FAM163A: variants seen among roughly 807,000 people sequenced by gnomAD.
FAM163A encodes the protein family with sequence similarity 163 member A.
In FAM163A, 7 loss-of-function variants were observed where a neutral mutation model predicts 12.0. The observed-to-expected ratio is 0.58, with a 90% CI of 0.33 to 1.10. The LOEUF (loss-of-function observed/expected upper bound fraction) is 1.10. Among genes scored for constraint, FAM163A ranks in the 50% least tolerant of loss-of-function variants. The probability of loss-of-function intolerance (pLI) is 0.03; values close to 1 mark genes in which losing one functional copy is unlikely to be tolerated. For missense variants in FAM163A, 202 were observed against 218.6 expected, an observed-to-expected ratio of 0.92 and a Z score of 0.48; for synonymous variants, 101 against 91.0, an observed-to-expected ratio of 1.11 and a Z score of -0.62.
intron 1 of FAM163A, among the ~76,000 whole-genome samples, chr1:179,805,751 A>G (rs1693846452): frequency 1.3e-5 from 2 of 152,042 alleles, no homozygotes. Context: ...ACTGGCCGGG[A>G]TCGAAATTCG....
At chr1:179,757,611 A>T (rs1421503393) in intron 1 of FAM163A, among the ~76,000 whole-genome samples, 1 of 152,176 alleles carries the variant, frequency 6.6e-6, no homozygotes, top group Non-Finnish European at 1.5e-5. Flanking sequence ...CAGGAGTTCG[A>T]GACCAGACTG....
intron 2 of FAM163A, among the ~76,000 whole-genome samples, chr1:179,808,799 T>TA (rs1694303274): frequency 6.6e-6 from 1 of 152,036 alleles, no homozygotes; most frequent in South Asian, 2.1e-4. Flanking sequence ...TAAGAGAGCA[T>TA]AAATGGAGCA....
intron 1 of FAM163A, among the ~76,000 whole-genome samples, chr1:179,748,068 G>A (rs1684753840): frequency 6.6e-6 from 1 of 152,086 alleles, no homozygotes; most frequent in African/African-American, 2.4e-5. Flanking sequence ...CCCTGTGTCT[G>A]CACCCAAGGA....
At chr1:179,760,240 G>A (rs1412051078) in intron 1 of FAM163A, among the ~76,000 whole-genome samples, 1 of 152,142 alleles carries the variant, frequency 6.6e-6, no homozygotes, top group Non-Finnish European at 1.5e-5. Context: ...CCCAGGGGTT[G>A]GAAGTACTAG....
intron 1 of FAM163A, among the ~76,000 whole-genome samples, chr1:179,744,585 A>G (rs1684179816): frequency 6.6e-6 from 1 of 152,142 alleles, no homozygotes. Flanking sequence ...TTCCTGTCAC[A>G]CTGGGGGTTC....
At chr1:179,739,518 T>A (rs1483382672), upstream of FAM163A, among the ~76,000 whole-genome samples, 1 of 128,036 alleles carries the variant, frequency 7.8e-6, no homozygotes, top group Non-Finnish European at 1.6e-5. Flanking sequence ...CTTAAAACAT[T>A]ATGAGAATTG....
intron 1 of FAM163A, among the ~76,000 whole-genome samples, chr1:179,761,131 T>A (rs11590821): frequency 0.1 from 15,334 of 152,250 alleles, 1,269 homozygotes; most frequent in African/African-American, 0.23. Context: ...TATATTAATT[T>A]TAAAACAGCA....
At chr1:179,728,268 G>A in the FAM163A span, among the ~76,000 whole-genome samples, 283 of 152,266 alleles carry the variant, frequency 1.9e-3, no homozygotes, top group Non-Finnish European at 3.6e-3. Context: ...CGTACATGGT[G>A]ACTCAGAGGG....
At chr1:179,754,576 T>A (rs1685735939) in intron 1 of FAM163A, among the ~76,000 whole-genome samples, 1 of 151,994 alleles carries the variant, frequency 6.6e-6, no homozygotes, top group African/African-American at 2.4e-5. Flanking sequence ...GACGTAAAGA[T>A]GAAATGAACA....
chr1:179,800,173 C>T (rs918502484), intron 1 of FAM163A, among the ~76,000 whole-genome samples: 4 of 152,216 alleles, frequency 2.6e-5, no homozygotes, highest in African/African-American at 9.6e-5. Flanking sequence ...AGTCACAGCC[C>T]CTCCCCAGCC....
intron 1 of FAM163A, among the ~76,000 whole-genome samples, chr1:179,757,994 G>A (rs1686270610): frequency 6.6e-6 from 1 of 152,208 alleles, no homozygotes; most frequent in South Asian, 2.1e-4. Context: ...AATTGTTTGG[G>A]GGAAGATGCT....
intron 1 of FAM163A, among the ~76,000 whole-genome samples, chr1:179,775,098 G>A (rs1011595229): frequency 3.6e-4 from 55 of 152,288 alleles, no homozygotes; most frequent in African/African-American, 1.2e-3. Flanking sequence ...CAAGGGCCTG[G>A]GTGCAGAATT....
chr1:179,770,304 A>G (rs1030599112), intron 1 of FAM163A, among the ~76,000 whole-genome samples: 2 of 152,138 alleles, frequency 1.3e-5, no homozygotes, highest in African/African-American at 4.8e-5. Context: ...GGCCATGGCC[A>G]CTACCCTAGT....
intron 1 of FAM163A, among the ~76,000 whole-genome samples, chr1:179,791,681 A>T (rs1691526756): frequency 6.6e-6 from 1 of 152,178 alleles, no homozygotes; most frequent in African/African-American, 2.4e-5. Flanking sequence ...CTGGATTTTT[A>T]ACTTTTAAAT....
At chr1:179,739,022 A>G (rs930085550), upstream of FAM163A, among the ~76,000 whole-genome samples, 11 of 152,188 alleles carry the variant, frequency 7.2e-5, no homozygotes, top group Non-Finnish European at 1.6e-4. Context: ...CCACACAACT[A>G]TGCCCAGCTG....
chr1:179,733,628 A>G, the FAM163A span, among the ~76,000 whole-genome samples: 6 of 152,050 alleles, frequency 3.9e-5, no homozygotes, highest in Non-Finnish European at 8.8e-5. Flanking sequence ...CCCATAATTT[A>G]TGGGAGTTCT....
At chr1:179,761,921 C>T (rs1686873546) in intron 1 of FAM163A, among the ~76,000 whole-genome samples, 1 of 152,060 alleles carries the variant, frequency 6.6e-6, no homozygotes, top group African/African-American at 2.4e-5. Context: ...CATTTTAGAG[C>T]TGTTGAAACG....
rs1190127764 is a variant in FAM163A, at chr1:179,814,100, T to C, written c.415T>C (p.Leu139=). 7 of 1,614,080 alleles carry C rather than the reference T, an allele frequency of 4.3e-6. No homozygotes were observed. Among genetic ancestry groups the C allele is most frequent in the African/African-American group, 2.7e-5 (2 of 74,944 alleles). ...AGAGGGGGGACCCCCATCCCTCAAATTGGCAGCACCCCAGAGTTACCCGGT... is the reference window on the plus strand; with the variant it reads ...AGAGGGGGGACCCCCATCCCTCAAACTGGCAGCACCCCAGAGTTACCCGGT... ...YKEGGPPSLK[L]AAPQSYPVTW... Residue 139 remains leucine (L), a synonymous_variant, in exon 5 of 5, where the codon TTG becomes CTG. Transcript: ENST00000341785.
At chr1:179,746,114 C>T (rs1256366055) in intron 1 of FAM163A, among the ~76,000 whole-genome samples, 3 of 152,194 alleles carry the variant, frequency 2.0e-5, no homozygotes, top group South Asian at 2.1e-4. Flanking sequence ...AGAGATAAAC[C>T]GTTGATGAGG....
Sources: gnomAD v4.1 joint callset for allele counts (sites outside exome capture counted in the v4.1 genomes callset) on GRCh38, gnomAD v4.1.1 for gene constraint, MANE v1.5 for transcripts, NCBI Gene and HGNC (gene_info 2026-07-23, HGNC 2026-07-21) for gene names.